IGSF21: variants seen among roughly 807,000 people sequenced by gnomAD.
IGSF21 encodes the protein immunoglobulin superfamily member 21.
A neutral mutation model predicts 46.8 loss-of-function variants in IGSF21; 28 were observed. The ratio of observed to expected loss-of-function variants is 0.60; its 90% confidence interval spans 0.44 to 0.82. IGSF21 has a LOEUF of 0.82. IGSF21 is among the 40% of genes least tolerant of loss of function. IGSF21 has a pLI of 0.00. For synonymous variants in IGSF21, 284 were observed against 273.6 expected (o/e 1.04, Z -0.38); for missense variants, 624 against 665.5 (o/e 0.94, Z 0.69).
intron 3 of IGSF21, among the ~76,000 whole-genome samples, chr1:18,307,906 G>A (rs1051885962): frequency 6.6e-6 from 1 of 152,202 alleles, no homozygotes; most frequent in Non-Finnish European, 1.5e-5. Context: ...TGCTCATGCT[G>A]TGCTTCAGAA....
chr1:18,184,539 G>T (rs1207364788), intron 1 of IGSF21, among the ~76,000 whole-genome samples: 1 of 152,166 alleles, frequency 6.6e-6, no homozygotes, highest in Non-Finnish European at 1.5e-5. Context: ...CCGCACACGG[G>T]CTGCAGCCTG....
Position 18,365,112 on chromosome 1 carries a change from T to G in IGSF21, c.541-111T>G, listed in dbSNP as rs1167219271. On this transcript the variant is annotated intron_variant, in intron 5 of 9. Transcript: ENST00000251296. This position sits in a 1 kb window ranked among gnomAD's most constrained non-coding sequence, Gnocchi z 4.8. ...GTGGGGTGAGGGCTACTGTCTAGAC[T>G]ACTATGCTCTGGAAGAACTGGCATC... 1.3e-6 allele frequency: 1 copy of G among 793,560 alleles called. No homozygotes were observed. The highest frequency in any genetic ancestry group is 2.1e-6 in the Non-Finnish European group (1 of 475,438). 49.2% of individuals were successfully genotyped at this position (793,560 alleles called of 1,614,324 possible). A position where few individuals can be genotyped will look rare whatever the true frequency, so the allele number is the denominator to read the frequency against.
intron 1 of IGSF21, among the ~76,000 whole-genome samples, chr1:18,227,067 G>A (rs2084575212): frequency 6.6e-6 from 1 of 152,222 alleles, no homozygotes; most frequent in African/African-American, 2.4e-5. Context: ...GGGGCAGCTG[G>A]TAGTAGTCCG....
At chr1:18,269,230 T>C (rs756598986) in intron 2 of IGSF21, among the ~76,000 whole-genome samples, 5 of 152,078 alleles carry the variant, frequency 3.3e-5, no homozygotes, top group Admixed American at 6.5e-5. Flanking sequence ...CTGATGCCGA[T>C]GAGACTTGGG....
intron 1 of IGSF21, among the ~76,000 whole-genome samples, chr1:18,206,129 T>C (rs1037108721): frequency 1.3e-5 from 2 of 152,180 alleles, no homozygotes; most frequent in South Asian, 2.1e-4. Context: ...ATTTTCAGGA[T>C]AGAGAGAGAG....
intron 3 of IGSF21, among the ~76,000 whole-genome samples, chr1:18,295,692 G>A (rs896201867): frequency 3.3e-5 from 5 of 152,138 alleles, no homozygotes; most frequent in African/African-American, 9.7e-5. Flanking sequence ...CTTACCCCTC[G>A]CTCTTCCTGG....
chr1:18,124,088 C>T (rs1021122113), intron 1 of IGSF21, among the ~76,000 whole-genome samples: 1 of 152,182 alleles, frequency 6.6e-6, no homozygotes, highest in Non-Finnish European at 1.5e-5. Flanking sequence ...GTGCTGCCTC[C>T]TTCTAACCCA....
rs200646509 is a variant in IGSF21 at position 18,214,109 on chromosome 1, TAAAC to T, written c.71-13784_71-13781del. Among the ~76,000 whole-genome samples the T allele has an allele frequency of 1.8e-3, 272 of 152,130 alleles. 3 individuals are homozygous for T. Among genetic ancestry groups the T allele is most frequent in the East Asian group, 0.016 (82 of 5,194 alleles). On this transcript the variant is annotated intron_variant, in intron 1 of 9. Transcript: ENST00000251296. ...TAATGAAACACATATTAATAATAAA[TAAAC>T]AAACTAATGATAAATAATACATACA...
chr1:18,364,299 G>GA (rs907718919), intron 5 of IGSF21, among the ~76,000 whole-genome samples: 1 of 151,710 alleles, frequency 6.6e-6, no homozygotes, highest in African/African-American at 2.4e-5. Flanking sequence ...ATAAATGGGG[G>GA]AAAAAAAACC....
chr1:18,369,277 A>G (rs1158113918), intron 6 of IGSF21, among the ~76,000 whole-genome samples: 1 of 152,248 alleles, frequency 6.6e-6, no homozygotes, highest in Non-Finnish European at 1.5e-5. Flanking sequence ...AAGGGGGAGA[A>G]TAGTAACTGC....
chr1:18,126,128 G>A (rs947381571), intron 1 of IGSF21, among the ~76,000 whole-genome samples: 1 of 152,106 alleles, frequency 6.6e-6, no homozygotes, highest in African/African-American at 2.4e-5. Flanking sequence ...TCCCATAGAG[G>A]TGCCCCAGGG....
At chr1:18,301,385 G>A (rs1233920670) in intron 3 of IGSF21, among the ~76,000 whole-genome samples, 1 of 152,208 alleles carries the variant, frequency 6.6e-6, no homozygotes, top group African/African-American at 2.4e-5. Flanking sequence ...TGTCGCCCAG[G>A]CTGGAGTGCA....
intron 4 of IGSF21, among the ~76,000 whole-genome samples, chr1:18,354,463 T>C (rs2085993673): frequency 6.6e-6 from 1 of 152,188 alleles, no homozygotes; most frequent in African/African-American, 2.4e-5. Flanking sequence ...TTTATATTCA[T>C]GGACACTTTT....
In IGSF21 at chr1:18,108,112, G is replaced by T. The variant is rs2086108456; in HGVS notation, c.-17G>T. 1 of 1,282,166 alleles carries T rather than the reference G, an allele frequency of 7.8e-7. No homozygotes were observed. The highest frequency in any genetic ancestry group is 2.9e-4 in the Middle Eastern group (1 of 3,472). The allele number at this position is 1,282,166 out of a possible 1,614,324, so 79.4% of individuals were successfully genotyped here. A position where few individuals can be genotyped will look rare whatever the true frequency, so the allele number is the denominator to read the frequency against. ...CCACCCCCGCCGCCCCGCCACCGCCGCCAGCTCCCGGGCACCATGCGAACC... is the reference window on the plus strand; with the variant it reads ...CCACCCCCGCCGCCCCGCCACCGCCTCCAGCTCCCGGGCACCATGCGAACC... On this transcript the variant is annotated 5_prime_UTR_variant, in exon 1 of 10. Transcript: ENST00000251296.
intron 1 of IGSF21, among the ~76,000 whole-genome samples, chr1:18,186,178 C>T (rs529057987): frequency 2.0e-5 from 3 of 152,230 alleles, no homozygotes; most frequent in South Asian, 4.1e-4. Flanking sequence ...TTTCCACTTT[C>T]CACCTGGGAG....
intron 1 of IGSF21, among the ~76,000 whole-genome samples, chr1:18,133,725 C>A (rs868390369): frequency 6.6e-6 from 1 of 152,242 alleles, no homozygotes; most frequent in Admixed American, 6.5e-5. Context: ...TATAATGACA[C>A]GTCCTCAGGC....
At chr1:18,222,719 G>A (rs1195863995) in intron 1 of IGSF21, among the ~76,000 whole-genome samples, 1 of 152,108 alleles carries the variant, frequency 6.6e-6, no homozygotes, top group African/African-American at 2.4e-5. Flanking sequence ...AGCCAGGAAG[G>A]ATGGGGAGGA....
chr1:18,278,748 G>A (rs1056013505), intron 2 of IGSF21: 4 of 449,442 alleles, frequency 8.9e-6, no homozygotes, highest in African/African-American at 4.1e-5. Flanking sequence ...TAGAGATGGG[G>A]TTTCACCATG....
At chr1:18,319,415 G>T (rs1263570287) in intron 3 of IGSF21, among the ~76,000 whole-genome samples, 1 of 152,220 alleles carries the variant, frequency 6.6e-6, no homozygotes, top group Non-Finnish European at 1.5e-5. Context: ...TCTATTTTGG[G>T]CAACCATGTG....
Sources: allele counts gnomAD v4.1 joint callset (sites outside exome capture counted in the v4.1 genomes callset), GRCh38; gene constraint gnomAD v4.1.1; non-coding constraint Gnocchi (gnomAD v3.1); transcripts MANE v1.5; gene names NCBI Gene and HGNC (gene_info 2026-07-23, HGNC 2026-07-21).